HS3ST3A1: variants seen among roughly 807,000 people sequenced by gnomAD.
The protein encoded by HS3ST3A1 is heparan sulfate-glucosamine 3-sulfotransferase 3A1.
A neutral mutation model predicts 25.7 loss-of-function variants in HS3ST3A1; 19 were observed. The observed-to-expected ratio is 0.74, with a 90% CI of 0.52 to 1.08. The LOEUF is 1.08. Among genes scored for constraint, HS3ST3A1 ranks in the 50% least tolerant of loss-of-function variants. The probability of loss-of-function intolerance (pLI) is 0.00; values close to 1 mark genes in which losing one functional copy is unlikely to be tolerated. For missense variants in HS3ST3A1, 459 were observed against 594.3 expected, an observed-to-expected ratio of 0.77 and a Z score of 2.37; for synonymous variants, 226 against 278.6, an observed-to-expected ratio of 0.81 and a Z score of 1.88.
At chr17:13,594,809 C>T (rs1320535217) in intron 1 of HS3ST3A1, among the ~76,000 whole-genome samples, 1 of 147,506 alleles carries the variant, frequency 6.8e-6, no homozygotes, top group African/African-American at 2.5e-5. Flanking sequence ...CTAGACAGAT[C>T]ATCTTGCTAT....
At chr17:13,577,012 T>C (rs1338141207) in intron 1 of HS3ST3A1, among the ~76,000 whole-genome samples, 3 of 152,192 alleles carry the variant, frequency 2.0e-5, no homozygotes, top group Non-Finnish European at 1.5e-5. Flanking sequence ...TCACAATCAT[T>C]GCAGAAGGCA....
At chr17:13,578,948 T>C (rs1186922899) in intron 1 of HS3ST3A1, among the ~76,000 whole-genome samples, 1 of 152,236 alleles carries the variant, frequency 6.6e-6, no homozygotes, top group African/African-American at 2.4e-5. Context: ...GCAAGCAACA[T>C]GCAGCTACCT....
At chr17:13,593,848 G>C (rs181372824) in intron 1 of HS3ST3A1, among the ~76,000 whole-genome samples, 1 of 152,242 alleles carries the variant, frequency 6.6e-6, no homozygotes, top group East Asian at 1.9e-4. Context: ...AGAAACTGAC[G>C]TTGGTATAAT....
chr17:13,581,609 T>C (rs1373345309), intron 1 of HS3ST3A1, among the ~76,000 whole-genome samples: 1 of 152,210 alleles, frequency 6.6e-6, no homozygotes, highest in Non-Finnish European at 1.5e-5. Flanking sequence ...TAGATGTGAA[T>C]GTGCTTGTCA....
chr17:13,511,739 G>A (rs991208279), intron 1 of HS3ST3A1, among the ~76,000 whole-genome samples: 1 of 151,084 alleles, frequency 6.6e-6, no homozygotes, highest in Admixed American at 6.6e-5. Flanking sequence ...ATGGAGAACA[G>A]TTCTAACTTT....
rs373830786 is a variant in HS3ST3A1, at chr17:13,581,143, A to G, written c.599+19388T>C. On this transcript the variant is annotated intron_variant, in intron 1 of 1. Coordinates refer to ENST00000284110, the MANE Select transcript of HS3ST3A1 (RefSeq NM_006042.3). ...TCCATTGGAACAAATTTGCATTTCA[A>G]TACAAGCATTACAGCAGAACTGACT... 7.9e-5 allele frequency among the ~76,000 whole-genome samples: 12 copies of G among 152,212 alleles called. 1 individual carries two copies. Among genetic ancestry groups the G allele is most frequent in the South Asian group, 6.2e-4 (3 of 4,834 alleles).
intron 1 of HS3ST3A1, among the ~76,000 whole-genome samples, chr17:13,567,780 C>T (rs141436839): frequency 7.9e-5 from 12 of 152,270 alleles, no homozygotes; most frequent in African/African-American, 1.7e-4. Context: ...AACCTTGAAC[C>T]GATAATGAGT....
At chr17:13,580,943 C>T (rs761828065) in intron 1 of HS3ST3A1, among the ~76,000 whole-genome samples, 23 of 151,948 alleles carry the variant, frequency 1.5e-4, no homozygotes, top group Non-Finnish European at 3.2e-4. Flanking sequence ...CTCTGGTAGG[C>T]GGTTGGGGCA....
intron 1 of HS3ST3A1, among the ~76,000 whole-genome samples, chr17:13,578,705 T>G (rs1215938879): frequency 6.6e-6 from 1 of 152,178 alleles, no homozygotes; most frequent in Non-Finnish European, 1.5e-5. Context: ...AGAGACTTGG[T>G]AATACTGAAC....
intron 1 of HS3ST3A1, among the ~76,000 whole-genome samples, chr17:13,524,716 A>G (rs1906356247): frequency 6.6e-6 from 1 of 152,214 alleles, no homozygotes; most frequent in South Asian, 2.1e-4. Flanking sequence ...ATGGTACAAT[A>G]GTTATAGAAG....
chr17:13,567,302 T>TC (rs761816546), intron 1 of HS3ST3A1, among the ~76,000 whole-genome samples: 25 of 152,210 alleles, frequency 1.6e-4, no homozygotes, highest in Non-Finnish European at 7.3e-5. Context: ...AAGATATCCA[T>TC]CTAAATATTA....
At chr17:13,591,293 C>T (rs886931834) in intron 1 of HS3ST3A1, among the ~76,000 whole-genome samples, 2 of 151,692 alleles carry the variant, frequency 1.3e-5, no homozygotes, top group African/African-American at 4.8e-5. Context: ...GTGATCTGCC[C>T]ACCTCAGCCT....
At chr17:13,559,749 C>T (rs1907476463) in intron 1 of HS3ST3A1, among the ~76,000 whole-genome samples, 1 of 151,862 alleles carries the variant, frequency 6.6e-6, no homozygotes, top group African/African-American at 2.4e-5. Context: ...ATTCCAGGTA[C>T]AGGATGGAAG....
intron 1 of HS3ST3A1, among the ~76,000 whole-genome samples, chr17:13,505,483 C>T (rs1905632433): frequency 6.6e-6 from 1 of 151,942 alleles, no homozygotes. Flanking sequence ...TGGTTTAATA[C>T]TTTAGGGGGC....
intron 1 of HS3ST3A1, among the ~76,000 whole-genome samples, chr17:13,575,776 C>G (rs1415250564): frequency 6.6e-6 from 1 of 152,224 alleles, no homozygotes; most frequent in African/African-American, 2.4e-5. Flanking sequence ...TAAGTATTAA[C>G]TGTCGTTCCC....
At chr17:13,592,284 G>A (rs1369715190) in intron 1 of HS3ST3A1, among the ~76,000 whole-genome samples, 1 of 152,114 alleles carries the variant, frequency 6.6e-6, no homozygotes, top group Non-Finnish European at 1.5e-5. Flanking sequence ...GAAAATGATA[G>A]GACCTGCATA....
At chr17:13,547,085 A>G (rs1907110917) in intron 1 of HS3ST3A1, among the ~76,000 whole-genome samples, 1 of 152,218 alleles carries the variant, frequency 6.6e-6, no homozygotes, top group Non-Finnish European at 1.5e-5. Flanking sequence ...ATTAAATTCT[A>G]TGACCACATG....
chr17:13,564,969 G>T (rs968075695), intron 1 of HS3ST3A1, among the ~76,000 whole-genome samples: 8 of 152,040 alleles, frequency 5.3e-5, no homozygotes, highest in African/African-American at 1.2e-4. Context: ...TGATCTGCCT[G>T]CTTTGGCCTC....
Position 13,495,594 on chromosome 17 carries a change from C to A in HS3ST3A1, c.*603G>T, listed in dbSNP as rs1905243347. 6.6e-6 allele frequency: 1 copy of A among 152,206 alleles called. No individual in the cohort carries two copies. Among genetic ancestry groups the A allele is most frequent in the African/African-American group, 2.4e-5 (1 of 41,424 alleles). The allele number at this position is 152,206 out of a possible 1,614,324, so 9.4% of individuals were successfully genotyped here. A position where few individuals can be genotyped will look rare whatever the true frequency, so the allele number is the denominator to read the frequency against. On this transcript the variant is annotated 3_prime_UTR_variant, in exon 2 of 2. Transcript: ENST00000284110. ...GTCCAGGGTCCATCCAACATTTGAC[C>A]TTTAGATACATTATTTCACCTCCCA...
Sources: gnomAD v4.1 joint callset for allele counts (sites outside exome capture counted in the v4.1 genomes callset) on GRCh38, gnomAD v4.1.1 for gene constraint, MANE v1.5 for transcripts, NCBI Gene and HGNC (gene_info 2026-07-23, HGNC 2026-07-21) for gene names.